The following FOXP1 variants were observed in gnomAD, a reference collection of about 807,000 sequenced individuals.
FOXP1 encodes forkhead box protein P1.
FOXP1 carries 15 observed loss-of-function variants against 98.2 expected under a neutral mutation model. The ratio of observed to expected loss-of-function variants is 0.15; its 90% CI spans 0.10 to 0.24. The LOEUF is 0.24. Ranked by LOEUF, FOXP1 falls within the 10% of genes least tolerant of loss-of-function variation. The pLI is 1.00. For synonymous variants in FOXP1, 371 were observed against 314.5 expected, an observed-to-expected ratio of 1.18 and a Z score of -1.90; for missense variants, 633 against 848.5, an observed-to-expected ratio of 0.75 and a Z score of 3.15.
At chr3:70,970,252 A>C (rs1487717476) in intron 19 of FOXP1, 1 of 177,972 alleles carries the variant, frequency 5.6e-6, no homozygotes, top group African/African-American at 2.4e-5. Flanking sequence ...ACTTTTACAA[A>C]GTGAACCAGA....
chr3:70,982,693 CCTT>C (rs1427871324), intron 14 of FOXP1, among the ~76,000 whole-genome samples: 2 of 149,890 alleles, frequency 1.3e-5, no homozygotes, highest in Non-Finnish European at 3.0e-5. Flanking sequence ...CTGCTTAGTC[CCTT>C]TTTTTTTTTA....
At chr3:71,580,274 A>C (rs2048059814) in intron 2 of FOXP1, among the ~76,000 whole-genome samples, 1 of 151,512 alleles carries the variant, frequency 6.6e-6, no homozygotes. Flanking sequence ...GCAAGATGTT[A>C]AACCTTTTTT....
chr3:71,457,270 T>C (rs1381666361), intron 3 of FOXP1, among the ~76,000 whole-genome samples: 1 of 152,210 alleles, frequency 6.6e-6, no homozygotes, highest in East Asian at 1.9e-4. Flanking sequence ...AATGAATTTA[T>C]GCACACTGGA....
At chr3:71,175,439 A>G (rs537939192) in intron 6 of FOXP1, among the ~76,000 whole-genome samples, 4 of 152,350 alleles carry the variant, frequency 2.6e-5, no homozygotes, top group East Asian at 1.9e-4. Context: ...GAGATTTTCA[A>G]TTGATGACTT....
intron 3 of FOXP1, among the ~76,000 whole-genome samples, chr3:71,477,121 C>G (rs983450445): frequency 2.0e-5 from 3 of 152,148 alleles, no homozygotes; most frequent in Non-Finnish European, 4.4e-5. Flanking sequence ...TTTCCGCCAT[C>G]TTTCTTTCTG....
At chr3:71,218,763 C>A (rs1309879061) in intron 5 of FOXP1, among the ~76,000 whole-genome samples, 2 of 152,200 alleles carry the variant, frequency 1.3e-5, no homozygotes, top group Non-Finnish European at 2.9e-5. Flanking sequence ...CAGCTGGATT[C>A]AGCGCATAGA....
At chr3:71,271,671 T>G (rs1021851502) in intron 5 of FOXP1, among the ~76,000 whole-genome samples, 1 of 152,246 alleles carries the variant, frequency 6.6e-6, no homozygotes, top group African/African-American at 2.4e-5. Flanking sequence ...TCTGGGGCTA[T>G]GTTCCACATG....
rs9821413 is a variant in FOXP1, at chr3:71,361,405, G to A, written c.-167-2161C>T. 7.6e-3 allele frequency among the ~76,000 whole-genome samples: 1,151 copies of A among 152,220 alleles called. 21 individuals carry two copies. The highest frequency in any genetic ancestry group is 0.022 in the African/African-American group (920 of 41,526). On this transcript the variant is annotated intron_variant, in intron 3 of 20. Transcript: ENST00000649528. ...GCTGTGGACTCCTCAAGGAACAGTC[G>A]GCAGATCACAGCCCCACGTCAGGGC...
chr3:71,523,534 C>T (rs1284288089), intron 2 of FOXP1, among the ~76,000 whole-genome samples: 1 of 152,144 alleles, frequency 6.6e-6, no homozygotes, highest in Non-Finnish European at 1.5e-5. Flanking sequence ...ATAATACATT[C>T]AAAACAGTAG....
chr3:71,193,547 C>T (rs1199622398), intron 6 of FOXP1, among the ~76,000 whole-genome samples: 3 of 151,604 alleles, frequency 2.0e-5, no homozygotes. Context: ...CTCCCAGGTT[C>T]AAGTGATTCT....
At chr3:71,195,094 G>A (rs952183209) in intron 6 of FOXP1, among the ~76,000 whole-genome samples, 1 of 152,164 alleles carries the variant, frequency 6.6e-6, no homozygotes, top group East Asian at 1.9e-4. Flanking sequence ...TTGCCGTTGT[G>A]GGACTATCAG....
At chr3:71,261,644 G>T (rs1348912626) in intron 5 of FOXP1, among the ~76,000 whole-genome samples, 1 of 151,996 alleles carries the variant, frequency 6.6e-6, no homozygotes, top group Non-Finnish European at 1.5e-5. Flanking sequence ...CTGTGTTACT[G>T]AGAAATAATC....
chr3:71,570,465 C>T (rs1380064033), intron 2 of FOXP1: 1 of 152,288 alleles, frequency 6.6e-6, no homozygotes, highest in Non-Finnish European at 1.5e-5. Flanking sequence ...AGCCTCCACT[C>T]AGCTCCCTGA....
intron 5 of FOXP1, among the ~76,000 whole-genome samples, chr3:71,240,206 A>G (rs1418283521): frequency 2.0e-5 from 3 of 152,278 alleles, no homozygotes; most frequent in African/African-American, 4.8e-5. Flanking sequence ...GCTAAATTCA[A>G]TCCTCAGTTA....
chr3:71,184,459 T>C (rs550729673), intron 6 of FOXP1, among the ~76,000 whole-genome samples: 1 of 152,346 alleles, frequency 6.6e-6, no homozygotes, highest in African/African-American at 2.4e-5. Context: ...TGTGTAAATC[T>C]GGTGTTTACA....
intron 7 of FOXP1, among the ~76,000 whole-genome samples, chr3:71,093,414 T>C (rs913812468): frequency 2.0e-5 from 3 of 149,184 alleles, no homozygotes; most frequent in Non-Finnish European, 4.5e-5. Flanking sequence ...TAAATTTAAA[T>C]TTATTTAATG....
rs1188498636 is a variant in FOXP1, at chr3:71,396,997, CAT to C, written c.-167-37755_-167-37754del. ...ATATATATATGTGTATATATATACA[CAT>C]ATATATGTGTATATATATATATATA... On this transcript the variant is annotated intron_variant, in intron 3 of 20. Coordinates refer to ENST00000649528, the MANE Select transcript of FOXP1 (RefSeq NM_001349338.3). 1.3e-3 allele frequency among the ~76,000 whole-genome samples: 54 copies of C among 40,622 alleles called. 11 individuals carry two copies. The highest frequency in any genetic ancestry group is 3.4e-3 in the East Asian group (10 of 2,976). The allele number at this position is 40,622 out of a possible 152,430, so 26.6% of individuals were successfully genotyped here. A position where few individuals can be genotyped will look rare whatever the true frequency, so the allele number is the denominator to read the frequency against.
chr3:71,033,022 A>G (rs2047078449), intron 11 of FOXP1, among the ~76,000 whole-genome samples: 1 of 152,178 alleles, frequency 6.6e-6, no homozygotes, highest in East Asian at 1.9e-4. Context: ...TACCATGGAC[A>G]ATACCATCAG....
chr3:71,406,908 C>G (rs1410374615), intron 3 of FOXP1, among the ~76,000 whole-genome samples: 1 of 152,050 alleles, frequency 6.6e-6, no homozygotes, highest in East Asian at 1.9e-4. Context: ...AACTTAGGTA[C>G]CAAGCACAGT....
Sources: gnomAD v4.1 joint callset for allele counts (sites outside exome capture counted in the v4.1 genomes callset) on GRCh38, gnomAD v4.1.1 for gene constraint, MANE v1.5 for transcripts, NCBI Gene and HGNC (gene_info 2026-07-23, HGNC 2026-07-21) for gene names.